The following CDH13 variants were observed in gnomAD, a reference collection of about 807,000 sequenced individuals.
CDH13 encodes cadherin 13, also known as cadherin-13.
CDH13 carries 24 observed loss-of-function variants against 63.8 expected under a neutral mutation model. That is an observed-to-expected ratio of 0.38 (90% CI 0.27 to 0.53). The LOEUF (loss-of-function observed/expected upper bound fraction) is 0.53. Among genes scored for constraint, CDH13 ranks in the 20% least tolerant of loss-of-function variants. The pLI is 0.85. For synonymous variants in CDH13, 503 were observed against 355.3 expected, an observed-to-expected ratio of 1.42 and a Z score of -4.67; for missense variants, 1,049 against 903.1, an observed-to-expected ratio of 1.16 and a Z score of -2.07.
intron 5 of CDH13, among the ~76,000 whole-genome samples, chr16:83,294,554 C>T (rs1408734372): frequency 6.6e-6 from 1 of 151,846 alleles, no homozygotes; most frequent in Non-Finnish European, 1.5e-5. Flanking sequence ...CATGTTGTCA[C>T]TAATGATAAG....
intron 6 of CDH13, among the ~76,000 whole-genome samples, chr16:83,410,493 G>A (rs2092109881): frequency 6.6e-6 from 1 of 151,996 alleles, no homozygotes; most frequent in South Asian, 2.1e-4. Context: ...GTTTAGCAAG[G>A]TTACTGGCAA....
rs567711193 is a variant in CDH13, at chr16:83,240,161, T to G, written c.636+22664T>G. On this transcript the variant is annotated intron_variant, in intron 5 of 13. Coordinates refer to ENST00000567109, the MANE Select transcript of CDH13 (RefSeq NM_001257.5). ...CTTTTAGCTGCTCTGCCTTTGTTGG[T>G]GTACCCCTCATTTCTTTTTTCAGCA... is the stretch of plus-strand genomic sequence containing the variant. Among the ~76,000 whole-genome samples, 106 of 152,104 alleles carry G rather than the reference T, an allele frequency of 7.0e-4. 1 individual carries two copies. Among genetic ancestry groups the G allele is most frequent in the Non-Finnish European group, 1.2e-3 (81 of 68,022 alleles).
At chr16:83,385,712 G>T (rs946296984) in intron 6 of CDH13, among the ~76,000 whole-genome samples, 2 of 152,080 alleles carry the variant, frequency 1.3e-5, no homozygotes, top group African/African-American at 4.8e-5. Flanking sequence ...CTAGTCATGT[G>T]GCCCCAGCAT....
At chr16:83,661,754 A>G (rs970137590) in intron 8 of CDH13, among the ~76,000 whole-genome samples, 1 of 152,218 alleles carries the variant, frequency 6.6e-6, no homozygotes, top group Non-Finnish European at 1.5e-5. Flanking sequence ...CATCTTCCTC[A>G]AAAGCCATGG....
intron 7 of CDH13, among the ~76,000 whole-genome samples, chr16:83,602,104 CAACAAA>C (rs1907872791): frequency 5.4e-4 from 2 of 3,714 alleles, no homozygotes; most frequent in Non-Finnish European, 8.4e-4. Flanking sequence ...AAAAGAACAA[CAACAAA>C]AAAAAAAAAA....
At chr16:82,991,404 T>C (rs1297085219) in intron 2 of CDH13, among the ~76,000 whole-genome samples, 12 of 152,206 alleles carry the variant, frequency 7.9e-5, no homozygotes, top group Admixed American at 7.2e-4. Context: ...AATTTTGATA[T>C]AAATTGGCCA....
chr16:83,221,435 T>G (rs1411561661), intron 5 of CDH13, among the ~76,000 whole-genome samples: 1 of 152,204 alleles, frequency 6.6e-6, no homozygotes, highest in African/African-American at 2.4e-5. Context: ...TTACTCATTA[T>G]TATGCATTTT....
At chr16:82,694,145 T>A (rs1396275447) in intron 1 of CDH13, among the ~76,000 whole-genome samples, 1 of 152,240 alleles carries the variant, frequency 6.6e-6, no homozygotes, top group African/African-American at 2.4e-5. Context: ...TTTATTCACT[T>A]GCATATAGAG....
chr16:83,553,575 C>G (rs1020262075), intron 7 of CDH13, among the ~76,000 whole-genome samples: 5 of 151,936 alleles, frequency 3.3e-5, no homozygotes, highest in African/African-American at 9.7e-5. Flanking sequence ...ATTTTTTTCT[C>G]AGATGGAGTA....
At chr16:83,565,668 G>A (rs1178828678) in intron 7 of CDH13, among the ~76,000 whole-genome samples, 1 of 151,998 alleles carries the variant, frequency 6.6e-6, no homozygotes, top group South Asian at 2.1e-4. Context: ...GGACCTCTGG[G>A]CATTCTCCTT....
At position 83,007,311 on chromosome 16, in the gene CDH13, T is replaced by A. The variant is rs545099373; in HGVS notation, c.158-24699T>A. Among the ~76,000 whole-genome samples the A allele has an allele frequency of 2.6e-5, 4 of 152,348 alleles. No homozygotes were observed. In the South Asian group the frequency reaches 8.3e-4, roughly 32 times the overall value. On this transcript the variant is annotated intron_variant, in intron 2 of 13. Coordinates refer to ENST00000567109, the MANE Select transcript of CDH13 (RefSeq NM_001257.5). ...CGTGACAGGTGATCTATGAATGCTG[T>A]CTCATGTAGTCTTCACTATAATCCA... is the stretch of plus-strand genomic sequence containing the variant.
intron 6 of CDH13, among the ~76,000 whole-genome samples, chr16:83,416,036 A>G (rs1023850260): frequency 6.6e-6 from 1 of 152,248 alleles, no homozygotes; most frequent in African/African-American, 2.4e-5. Context: ...GAATTAATAA[A>G]TGAATTTAGT....
intron 4 of CDH13, among the ~76,000 whole-genome samples, chr16:83,195,971 G>A (rs945854631): frequency 6.6e-6 from 1 of 152,128 alleles, no homozygotes; most frequent in African/African-American, 2.4e-5. Flanking sequence ...TTAACTCAAA[G>A]TGGTCCAGGC....
At chr16:83,704,538 G>A (rs1036262856) in intron 10 of CDH13, among the ~76,000 whole-genome samples, 2 of 152,182 alleles carry the variant, frequency 1.3e-5, no homozygotes, top group African/African-American at 4.8e-5. Flanking sequence ...CCACCAGGAA[G>A]CCATTGTGAG....
At chr16:83,060,641 C>T (rs144659688) in intron 3 of CDH13, among the ~76,000 whole-genome samples, 1 of 152,342 alleles carries the variant, frequency 6.6e-6, no homozygotes, top group African/African-American at 2.4e-5. Flanking sequence ...GAGCTCAGAT[C>T]TGAATCCAGA....
At chr16:83,550,178 C>A (rs2075464709) in intron 7 of CDH13, among the ~76,000 whole-genome samples, 1 of 152,222 alleles carries the variant, frequency 6.6e-6, no homozygotes, top group African/African-American at 2.4e-5. Flanking sequence ...TGCATTGGTG[C>A]TCAAACATTG....
chr16:82,701,022 T>C (rs1239834540), intron 1 of CDH13, among the ~76,000 whole-genome samples: 2 of 128,960 alleles, frequency 1.6e-5, no homozygotes, highest in African/African-American at 5.8e-5. Context: ...CCCAGTTGCA[T>C]GTGCTCAAAA....
At chr16:82,690,983 G>A (rs960223253) in intron 1 of CDH13, among the ~76,000 whole-genome samples, 1 of 152,202 alleles carries the variant, frequency 6.6e-6, no homozygotes, top group East Asian at 1.9e-4. Context: ...GCCAGCCAAT[G>A]TCTATAAAGA....
At chr16:82,979,819 T>C (rs1003213457) in intron 2 of CDH13, among the ~76,000 whole-genome samples, 1 of 152,164 alleles carries the variant, frequency 6.6e-6, no homozygotes, top group Non-Finnish European at 1.5e-5. Flanking sequence ...CAGAACAGAT[T>C]ATCACTAAAA....
Sources: gnomAD v4.1 joint callset for allele counts (sites outside exome capture counted in the v4.1 genomes callset) on GRCh38, gnomAD v4.1.1 for gene constraint, MANE v1.5 for transcripts, NCBI Gene and HGNC (gene_info 2026-07-23, HGNC 2026-07-21) for gene names.